Variants in NEDD9 observed in about 807,000 individuals in gnomAD.
NEDD9 encodes enhancer of filamentation 1.
Under a neutral mutation model 76.6 loss-of-function variants are expected in NEDD9, and 26 were observed. That is an observed-to-expected ratio of 0.34 (90% confidence interval 0.25 to 0.47). The LOEUF (loss-of-function observed/expected upper bound fraction) is 0.47. Among genes scored for constraint, NEDD9 ranks in the 20% least tolerant of loss-of-function variants. NEDD9 has a pLI of 1.00. For synonymous variants in NEDD9, 392 were observed against 414.2 expected, an observed-to-expected ratio of 0.95 and a Z score of 0.65; for missense variants, 937 against 1,058.5, an observed-to-expected ratio of 0.89 and a Z score of 1.59.
chr6:11,302,039 G>C (rs1246328372), intron 3 of NEDD9, among the ~76,000 whole-genome samples: 1 of 151,436 alleles, frequency 6.6e-6, no homozygotes, highest in Non-Finnish European at 1.5e-5. Flanking sequence ...AGGAGAGAGA[G>C]ACACAAAAAA....
chr6:11,186,008 G>A (rs931980010), intron 6 of NEDD9, among the ~76,000 whole-genome samples: 12 of 152,234 alleles, frequency 7.9e-5, no homozygotes, highest in African/African-American at 2.9e-4. Context: ...ATAATAGTTT[G>A]GTATGTAGTA....
upstream of NEDD9, among the ~76,000 whole-genome samples, chr6:11,234,700 AAAAC>A (rs1759563078): frequency 7.1e-6 from 1 of 140,416 alleles, no homozygotes; most frequent in Non-Finnish European, 1.5e-5. Flanking sequence ...CTGGAACCTC[AAAAC>A]ATTTTTAATT....
rs995116564 is a variant in NEDD9, at chr6:11,370,148, A to G, written c.-214+11991T>C. On this transcript the variant is annotated intron_variant, in intron 1 of 3. Coordinates refer to the NEDD9 transcript ENST00000397378. This position sits in a 1 kb window ranked among gnomAD's most constrained non-coding sequence, Gnocchi z 4.2. ...CATTTCGTTTAATGATGAAATAGAC[A>G]CATCTCTCTGCTAAATCATGCTTGT... Among the ~76,000 whole-genome samples the G allele has an allele frequency of 4.1e-5, 6 of 147,468 alleles. No individual in the cohort carries two copies. Among genetic ancestry groups the G allele is most frequent in the East Asian group, 2.0e-4 (1 of 5,114 alleles).
rs538631879 is a variant in NEDD9 at position 11,260,830 on chromosome 6, T to C, written c.12+45162A>G. Reference sequence around the variant, plus strand: ...AGTCTTCACACCTACTATTAACCATTCTCAGTGCTGAAAGGATGTGTGATA... The same window carrying C: ...AGTCTTCACACCTACTATTAACCATCCTCAGTGCTGAAAGGATGTGTGATA... On this transcript the variant is annotated intron_variant, in intron 3 of 3. Coordinates refer to the NEDD9 transcript ENST00000397378. Among the ~76,000 whole-genome samples, 29 of 152,230 alleles carry C rather than the reference T, an allele frequency of 1.9e-4. 1 individual carries two copies. In the South Asian group the frequency reaches 5.4e-3, roughly 28 times the overall value.
chr6:11,324,664 C>A (rs971947240), intron 2 of NEDD9, among the ~76,000 whole-genome samples: 1 of 152,218 alleles, frequency 6.6e-6, no homozygotes, highest in African/African-American at 2.4e-5. Context: ...TTTCTTGTCA[C>A]CCTATTCACA....
intron 1 of NEDD9, among the ~76,000 whole-genome samples, chr6:11,337,027 T>A (rs551049187): frequency 6.6e-6 from 1 of 152,128 alleles, no homozygotes; most frequent in South Asian, 2.1e-4. Flanking sequence ...GAGACCAGCA[T>A]GGCCAATAGT....
At chr6:11,330,523 A>C (rs1382305439) in intron 2 of NEDD9, among the ~76,000 whole-genome samples, 1 of 152,214 alleles carries the variant, frequency 6.6e-6, no homozygotes, top group Non-Finnish European at 1.5e-5. Flanking sequence ...AAAGGCAACC[A>C]GTGCTTTCTT....
intron 1 of NEDD9, among the ~76,000 whole-genome samples, chr6:11,336,123 C>G (rs750251442): frequency 6.6e-6 from 1 of 152,208 alleles, no homozygotes; most frequent in Non-Finnish European, 1.5e-5. Flanking sequence ...ACAGTCATCT[C>G]TTATGACACT....
intron 1 of NEDD9, among the ~76,000 whole-genome samples, chr6:11,365,454 A>G (rs1296362671): frequency 6.6e-6 from 1 of 152,236 alleles, no homozygotes; most frequent in Non-Finnish European, 1.5e-5. Flanking sequence ...TAAAAACCTC[A>G]TCTTCACCCT....
At chr6:11,347,684 A>G (rs1356281305) in intron 1 of NEDD9, among the ~76,000 whole-genome samples, 1 of 152,202 alleles carries the variant, frequency 6.6e-6, no homozygotes, top group East Asian at 1.9e-4. Flanking sequence ...AGAACTAAAG[A>G]CAAGACCCAC....
At chr6:11,223,138 C>A (rs1415591589) in intron 1 of NEDD9, among the ~76,000 whole-genome samples, 1 of 152,068 alleles carries the variant, frequency 6.6e-6, no homozygotes, top group Admixed American at 6.5e-5. Flanking sequence ...AATGACCTGG[C>A]CCTAAGTGTC....
intron 3 of NEDD9, among the ~76,000 whole-genome samples, chr6:11,260,331 G>A (rs1760083064): frequency 6.6e-6 from 1 of 152,178 alleles, no homozygotes; most frequent in Non-Finnish European, 1.5e-5. Flanking sequence ...ATTACAGTGA[G>A]GTGGTTAAAA....
chr6:11,318,688 A>G (rs1184742216), intron 2 of NEDD9, among the ~76,000 whole-genome samples: 1 of 123,284 alleles, frequency 8.1e-6, no homozygotes. Context: ...TCTTTAAGTT[A>G]AAAAAAAACA....
At chr6:11,304,283 C>T (rs1253626539) in intron 3 of NEDD9, among the ~76,000 whole-genome samples, 1 of 152,012 alleles carries the variant, frequency 6.6e-6, no homozygotes, top group South Asian at 2.1e-4. Context: ...TTAGAATGGC[C>T]ATCATTAAAA....
intron 1 of NEDD9, among the ~76,000 whole-genome samples, chr6:11,376,457 G>A (rs953588789): frequency 3.3e-5 from 5 of 152,306 alleles, no homozygotes; most frequent in South Asian, 4.1e-4. Context: ...ATGGAATGGG[G>A]TCATTCTTAT....
intron 1 of NEDD9, among the ~76,000 whole-genome samples, chr6:11,363,810 AT>A (rs5874317): frequency 0.7 from 106,266 of 151,854 alleles, 37,935 homozygotes; most frequent in African/African-American, 0.82. Context: ...AAACCTGAGT[AT>A]TTTTTTTTCT....
intron 1 of NEDD9, among the ~76,000 whole-genome samples, chr6:11,337,694 A>G (rs1163419447): frequency 2.6e-5 from 4 of 152,194 alleles, no homozygotes; most frequent in Non-Finnish European, 5.9e-5. Flanking sequence ...TCAGTGCAGT[A>G]TCGGGCATCA....
intron 3 of NEDD9, among the ~76,000 whole-genome samples, chr6:11,279,632 T>G (rs996731298): frequency 3.3e-5 from 5 of 152,208 alleles, no homozygotes; most frequent in African/African-American, 1.2e-4. Context: ...TTTACATGCT[T>G]GCCTGCGAAA....
intron 6 of NEDD9, among the ~76,000 whole-genome samples, chr6:11,187,950 G>A (rs563159571): frequency 2.4e-4 from 36 of 152,160 alleles, no homozygotes; most frequent in Non-Finnish European, 4.4e-5. Context: ...GAGACCAAAT[G>A]CCTTAACCCA....
Sources: gnomAD v4.1 joint callset for allele counts (sites outside exome capture counted in the v4.1 genomes callset) on GRCh38, gnomAD v4.1.1 for gene constraint, Gnocchi (gnomAD v3.1) non-coding constraint, MANE v1.5 for transcripts, NCBI Gene and HGNC (gene_info 2026-07-23, HGNC 2026-07-21) for gene names.